SLX4IP: variants seen among roughly 807,000 people sequenced by gnomAD.
SLX4IP encodes SLX4 interacting protein, also known as protein SLX4IP.
A neutral mutation model predicts 32.9 loss-of-function variants in SLX4IP; 34 were observed. The ratio of observed to expected loss-of-function variants is 1.03; its 90% CI spans 0.79 to 1.38. The LOEUF (loss-of-function observed/expected upper bound fraction) is 1.38, where lower values mean the gene tolerates loss of function less well. Ranked by LOEUF, SLX4IP falls within the 40% of genes most tolerant of loss-of-function variation. The probability of loss-of-function intolerance (pLI) is 0.00; values close to 1 mark genes in which losing one functional copy is unlikely to be tolerated. For missense variants in SLX4IP, 444 were observed against 479.0 expected (o/e 0.93, Z 0.68); for synonymous variants, 172 against 171.7 (o/e 1.00, Z -0.01).
chr20:10,486,184 A>ATTTTTTTTT (rs34444606), intron 2 of SLX4IP, among the ~76,000 whole-genome samples: 1 of 145,066 alleles, frequency 6.9e-6, no homozygotes, highest in Non-Finnish European at 1.5e-5. Context: ...CCTTGCTTAA[A>ATTTTTTTTT]TTTTTTTTTT....
intron 2 of SLX4IP, among the ~76,000 whole-genome samples, chr20:10,547,359 T>A (rs1249899759): frequency 6.6e-6 from 1 of 152,218 alleles, no homozygotes. Flanking sequence ...ACTGGGAAGT[T>A]ACACATCCTT....
intron 1 of SLX4IP, among the ~76,000 whole-genome samples, chr20:10,439,039 G>A (rs919967515): frequency 2.6e-5 from 4 of 151,720 alleles, no homozygotes; most frequent in Non-Finnish European, 5.9e-5. Flanking sequence ...CTTTGTTGTT[G>A]GGAGTTTTGA....
At chr20:10,474,259 A>G (rs898521352) in intron 2 of SLX4IP, among the ~76,000 whole-genome samples, 1 of 152,180 alleles carries the variant, frequency 6.6e-6, no homozygotes, top group Admixed American at 6.5e-5. Flanking sequence ...AAGCTTATGA[A>G]TGGTGTGCTG....
At chr20:10,551,893 T>C (rs1355627096) in intron 2 of SLX4IP, among the ~76,000 whole-genome samples, 1 of 152,170 alleles carries the variant, frequency 6.6e-6, no homozygotes, top group Non-Finnish European at 1.5e-5. Context: ...TGATCCGATT[T>C]ATAGGTTAGA....
At chr20:10,524,215 T>TA (rs1379968293) in intron 2 of SLX4IP, among the ~76,000 whole-genome samples, 2 of 152,182 alleles carry the variant, frequency 1.3e-5, no homozygotes, top group African/African-American at 2.4e-5. Context: ...TTGGGATTGA[T>TA]TACACAGTTA....
chr20:10,460,696 G>T (rs1460910855), intron 2 of SLX4IP, among the ~76,000 whole-genome samples: 1 of 152,178 alleles, frequency 6.6e-6, no homozygotes, highest in African/African-American at 2.4e-5. Context: ...ATTGATCAGA[G>T]CATTCACAGG....
intron 6 of SLX4IP, 148 bp from the exon 7 acceptor site, chr20:10,621,166 A>T (rs554167746): frequency 9.4e-5 from 63 of 670,002 alleles, no homozygotes; most frequent in African/African-American, 8.7e-4. Flanking sequence ...AGTCCTAGGT[A>T]AAAAAGGTTA....
At chr20:10,469,439 G>T (rs1292596793) in intron 2 of SLX4IP, among the ~76,000 whole-genome samples, 3 of 151,976 alleles carry the variant, frequency 2.0e-5, no homozygotes, top group African/African-American at 4.8e-5. Context: ...ACAATCCATA[G>T]AATTTGCTTC....
chr20:10,617,172 G>A (rs2067045106), intron 6 of SLX4IP, among the ~76,000 whole-genome samples: 1 of 152,180 alleles, frequency 6.6e-6, no homozygotes, highest in African/African-American at 2.4e-5. Context: ...TTTGCAAAAG[G>A]CTGTCTCACT....
intron 2 of SLX4IP, among the ~76,000 whole-genome samples, chr20:10,492,376 A>G (rs549018191): frequency 2.7e-4 from 41 of 152,244 alleles, no homozygotes; most frequent in Non-Finnish European, 2.9e-4. Context: ...CCTTTTCTTC[A>G]TATCTTTGGG....
intron 4 of SLX4IP, among the ~76,000 whole-genome samples, chr20:10,587,806 A>T (rs2066662686): frequency 6.6e-6 from 1 of 152,170 alleles, no homozygotes; most frequent in Admixed American, 6.5e-5. Flanking sequence ...ATGCAAAAGA[A>T]TGAACTTGGA....
At chr20:10,518,506 C>CTTTCCTT (rs372995070) in intron 2 of SLX4IP, among the ~76,000 whole-genome samples, 36 of 88,674 alleles carry the variant, frequency 4.1e-4, no homozygotes, top group Non-Finnish European at 7.2e-4. Flanking sequence ...TCCTTCCTTC[C>CTTTCCTT]TTCCTTCCTT....
At chr20:10,586,167 T>A (rs1355696951) in intron 4 of SLX4IP, among the ~76,000 whole-genome samples, 1 of 152,196 alleles carries the variant, frequency 6.6e-6, no homozygotes, top group Non-Finnish European at 1.5e-5. Flanking sequence ...CTACTGATGA[T>A]CCTTGCCTTC....
At chr20:10,556,525 A>T (rs1483587233) in intron 3 of SLX4IP, among the ~76,000 whole-genome samples, 1 of 152,146 alleles carries the variant, frequency 6.6e-6, no homozygotes, top group Non-Finnish European at 1.5e-5. Context: ...ACTTCATATG[A>T]TACTGTATTA....
rs749557514 is a variant in SLX4IP, at chr20:10,445,933, C to CTTT, written c.-30+10502_-30+10504dup. Among the ~76,000 whole-genome samples, 107 of 60,692 alleles carry CTTT rather than the reference C, an allele frequency of 1.8e-3. 1 individual carries two copies. The highest frequency in any genetic ancestry group is 4.7e-3 in the African/African-American group (103 of 21,884). 39.8% of individuals were successfully genotyped at this position (60,692 alleles called of 152,430 possible). A position where few individuals can be genotyped will look rare whatever the true frequency, so the allele number is the denominator to read the frequency against. ...GAGCCACTGTGCCTGGCTGAGATTG[C>CTTT]TTTTTTTTTTTTTTTTTTTTTTTTA... is the stretch of plus-strand genomic sequence containing the variant. On this transcript the variant is annotated intron_variant, in intron 1 of 7. Transcript: ENST00000334534.
chr20:10,446,318 A>G (rs925887651), intron 1 of SLX4IP, among the ~76,000 whole-genome samples: 3 of 151,662 alleles, frequency 2.0e-5, no homozygotes, highest in Non-Finnish European at 4.4e-5. Flanking sequence ...AGGCTGAGGC[A>G]AGAGAATCAC....
intron 2 of SLX4IP, among the ~76,000 whole-genome samples, chr20:10,554,433 C>A (rs2122494890): frequency 6.6e-6 from 1 of 152,334 alleles, no homozygotes; most frequent in African/African-American, 2.4e-5. Context: ...TATACTTCAT[C>A]TCTCTTGAGT....
intron 2 of SLX4IP, among the ~76,000 whole-genome samples, chr20:10,463,865 T>G (rs1466271688): frequency 6.6e-6 from 1 of 152,150 alleles, no homozygotes; most frequent in Non-Finnish European, 1.5e-5. Flanking sequence ...CACTGCGGCC[T>G]TGAACTCCTA....
chr20:10,473,833 T>C (rs1042196732), intron 2 of SLX4IP, among the ~76,000 whole-genome samples: 4 of 151,848 alleles, frequency 2.6e-5, no homozygotes, highest in Non-Finnish European at 5.9e-5. Flanking sequence ...TGGTCTTCTT[T>C]TTTTTTTTGA....
Sources: gnomAD v4.1 joint callset for allele counts (sites outside exome capture counted in the v4.1 genomes callset) on GRCh38, gnomAD v4.1.1 for gene constraint, MANE v1.5 for transcripts, NCBI Gene and HGNC (gene_info 2026-07-23, HGNC 2026-07-21) for gene names.